Variants in ZNF362 observed in about 807,000 individuals in gnomAD.
ZNF362 encodes the protein zinc finger protein 362, also known as rotund homolog.
ZNF362 carries 11 observed loss-of-function variants against 42.9 expected under a neutral mutation model. The ratio of observed to expected loss-of-function variants is 0.26; its 90% CI spans 0.16 to 0.42. The LOEUF (loss-of-function observed/expected upper bound fraction) is 0.42, where lower values mean the gene tolerates loss of function less well. Ranked by LOEUF, ZNF362 falls within the 20% of genes least tolerant of loss-of-function variation. ZNF362 has a pLI of 1.00. For synonymous variants in ZNF362, 255 were observed against 257.3 expected, an observed-to-expected ratio of 0.99 and a Z score of 0.09; for missense variants, 362 against 576.2, an observed-to-expected ratio of 0.63 and a Z score of 3.81.
At chr1:33,235,027 A>G in the ZNF362 span, among the ~76,000 whole-genome samples, 1 of 151,934 alleles carries the variant, frequency 6.6e-6, no homozygotes, top group Admixed American at 6.6e-5. Flanking sequence ...TAGATTTAAG[A>G]TGCTTGACTC....
chr1:33,173,298 T>C, the ZNF362 span, among the ~76,000 whole-genome samples: 2 of 152,230 alleles, frequency 1.3e-5, no homozygotes, highest in Non-Finnish European at 2.9e-5. Flanking sequence ...CAGTGCTTGG[T>C]CCATAATGCA....
chr1:33,181,545 C>T, the ZNF362 span: 6 of 1,437,612 alleles, frequency 4.2e-6, no homozygotes, highest in Non-Finnish European at 5.4e-6. The surrounding 1 kb of genome is among the most constrained non-coding windows in gnomAD (Gnocchi z 6.5). Flanking sequence ...CCCGCACAGG[C>T]AGGGGTAGGA....
chr1:33,263,964 T>C (rs1442742619), intron 1 of ZNF362, among the ~76,000 whole-genome samples: 1 of 151,984 alleles, frequency 6.6e-6, no homozygotes, highest in African/African-American at 2.4e-5. Context: ...CACTCCTTTC[T>C]CTGCCCAGCC....
intron 2 of ZNF362, 129 bp downstream of exon 2, chr1:33,270,741 G>T: frequency 6.7e-7 from 1 of 1,485,792 alleles, no homozygotes; most frequent in Non-Finnish European, 9.0e-7. Flanking sequence ...CCCTGGGGGA[G>T]GTGTGTGCTT....
At chr1:33,296,815 T>G (rs903012858) in intron 8 of ZNF362, among the ~76,000 whole-genome samples, 2 of 149,180 alleles carry the variant, frequency 1.3e-5, no homozygotes, top group South Asian at 4.3e-4. Context: ...GAGGGGACTG[T>G]CAGGAAGGGT....
At chr1:33,295,056 G>GGCC in intron 7 of ZNF362, 41 bp downstream of exon 7, 1 of 1,611,140 alleles carries the variant, frequency 6.2e-7, no homozygotes, top group South Asian at 1.1e-5. Flanking sequence ...GTGCTCTGGT[G>GGCC]CCCCCCCACC....
the ZNF362 span, among the ~76,000 whole-genome samples, chr1:33,236,770 T>C: frequency 6.6e-6 from 1 of 151,734 alleles, no homozygotes; most frequent in East Asian, 1.9e-4. Context: ...CATTCTACTA[T>C]GTAAACATAT....
chr1:33,256,529 G>T lies in ZNF362; in HGVS notation c.-214G>T. ...CAGGCGACCCGGAAGGTTTGCGCGC[G>T]GCTCCGCAGCGAGCCAGAGCCGGAG... On this transcript the variant is annotated 5_prime_UTR_variant, in exon 1 of 9. Coordinates refer to ENST00000539719, the MANE Select transcript of ZNF362 (RefSeq NM_152493.3). 1 of 149,494 alleles carries T rather than the reference G, an allele frequency of 6.7e-6. No homozygotes were observed. The highest frequency in any genetic ancestry group is 1.8e-4 in the South Asian group (1 of 5,652). The allele number at this position is 149,494 out of a possible 1,614,324, so 9.3% of individuals were successfully genotyped here. A position where few individuals can be genotyped will look rare whatever the true frequency, so the allele number is the denominator to read the frequency against.
At chr1:33,296,714 C>T (rs1646127211) in intron 8 of ZNF362, among the ~76,000 whole-genome samples, 1 of 151,466 alleles carries the variant, frequency 6.6e-6, no homozygotes, top group African/African-American at 2.4e-5. Context: ...TGGCACGTTA[C>T]AAGAACTCAA....
rs1645866884 is a variant in ZNF362, at chr1:33,266,625, T to G, written c.-88-3862T>G. 6.6e-6 allele frequency among the ~76,000 whole-genome samples: 1 copy of G among 152,178 alleles called. No individual in the cohort carries two copies. Among genetic ancestry groups the G allele is most frequent in the Non-Finnish European group, 1.5e-5 (1 of 68,026 alleles). Reference sequence around the variant, plus strand: ...TAAGAACCAGACCAAGCCCTGCTTTTGGGGAGCCCACAGCCTACATGGGGG... The same window carrying G: ...TAAGAACCAGACCAAGCCCTGCTTTGGGGGAGCCCACAGCCTACATGGGGG... On this transcript the variant is annotated intron_variant, in intron 1 of 8. Transcript: ENST00000539719. This position sits in a 1 kb window ranked among gnomAD's most constrained non-coding sequence, Gnocchi z 4.3.
At chr1:33,272,322 G>A (rs572377142) in intron 2 of ZNF362, among the ~76,000 whole-genome samples, 6 of 152,066 alleles carry the variant, frequency 3.9e-5, no homozygotes, top group Non-Finnish European at 7.4e-5. Flanking sequence ...CTTGGGGCTC[G>A]GGGAGGGCAG....
chr1:33,257,232 G>A (rs1323096013), intron 1 of ZNF362, among the ~76,000 whole-genome samples: 29 of 152,150 alleles, frequency 1.9e-4, no homozygotes, highest in Admixed American at 3.9e-4. Flanking sequence ...AGCAGAGGGG[G>A]CACCCGAAGG....
the ZNF362 span, among the ~76,000 whole-genome samples, chr1:33,242,200 GTAAGTCA>G: frequency 6.6e-6 from 1 of 152,124 alleles, no homozygotes; most frequent in Non-Finnish European, 1.5e-5. Flanking sequence ...TTAACCTTGT[GTAAGTCA>G]TGGAGGGGAT....
the ZNF362 span, chr1:33,182,083 C>G: frequency 1.3e-5 from 2 of 152,144 alleles, no homozygotes; most frequent in African/African-American, 4.8e-5. Context: ...CCGCGGCTGC[C>G]TCCCCGCCCC....
chr1:33,140,112 A>C, the ZNF362 span, among the ~76,000 whole-genome samples: 90 of 151,932 alleles, frequency 5.9e-4, 1 homozygote, highest in African/African-American at 1.8e-3. This position sits in a 1 kb window ranked among gnomAD's most constrained non-coding sequence, Gnocchi z 4.0. Flanking sequence ...AAGAGGAAAG[A>C]GGGGAGAGAG....
At chr1:33,227,455 ATATAAGCCATG>A in the ZNF362 span, among the ~76,000 whole-genome samples, 1 of 152,160 alleles carries the variant, frequency 6.6e-6, no homozygotes, top group Non-Finnish European at 1.5e-5. Flanking sequence ...CCCAAGCCAT[ATATAAGCCATG>A]AAGGAGACAT....
chr1:33,238,443 T>C, the ZNF362 span, among the ~76,000 whole-genome samples: 489 of 150,204 alleles, frequency 3.3e-3, 17 homozygotes, highest in East Asian at 0.084. Flanking sequence ...AAAAATAAAA[T>C]CCCTTGGAAA....
intron 6 of ZNF362, among the ~76,000 whole-genome samples, chr1:33,293,166 G>A (rs1052632539): frequency 5.3e-5 from 8 of 152,314 alleles, no homozygotes; most frequent in Admixed American, 3.9e-4. Flanking sequence ...GGGAGATTCC[G>A]CAGAGCCCCA....
the ZNF362 span, among the ~76,000 whole-genome samples, chr1:33,190,927 C>G: frequency 6.6e-6 from 1 of 152,218 alleles, no homozygotes; most frequent in Non-Finnish European, 1.5e-5. Flanking sequence ...CTGGCATCAG[C>G]AGCATCTTTC....
Sources: gnomAD v4.1 joint callset for allele counts (sites outside exome capture counted in the v4.1 genomes callset) on GRCh38, gnomAD v4.1.1 for gene constraint, Gnocchi (gnomAD v3.1) non-coding constraint, MANE v1.5 for transcripts, NCBI Gene and HGNC (gene_info 2026-07-23, HGNC 2026-07-21) for gene names.